The following ZSCAN22 variants were observed in gnomAD, a reference collection of about 807,000 sequenced individuals.
The protein encoded by ZSCAN22 is zinc finger and SCAN domain-containing protein 22.
In ZSCAN22, 7 loss-of-function variants were observed where a neutral mutation model predicts 12.4. That is an observed-to-expected ratio of 0.57 (90% CI 0.32 to 1.06). The LOEUF (loss-of-function observed/expected upper bound fraction) is 1.06. Among genes scored for constraint, ZSCAN22 ranks in the 50% least tolerant of loss-of-function variants. ZSCAN22 has a pLI of 0.04. For synonymous variants in ZSCAN22, 243 were observed against 255.9 expected (o/e 0.95, Z 0.48); for missense variants, 576 against 631.7 (o/e 0.91, Z 0.94).
At position 58,339,676 on chromosome 19, in the gene ZSCAN22, C is replaced by G. The variant is rs2147992509; in HGVS notation, c.*350C>G. On this transcript the variant is annotated 3_prime_UTR_variant, in exon 3 of 3. Transcript: ENST00000329665. This position sits in a 1 kb window ranked among gnomAD's most constrained non-coding sequence, Gnocchi z 5.6. The stretch of plus-strand genomic sequence containing the variant: ...GCGCATGTCTCTCAGAACTCAGCGT[C>G]CCAAGACGCTCTGGGCGGGCCAACT... The G allele has an allele frequency of 8.6e-6, 2 of 232,764 alleles. No individual in the cohort carries two copies. Among genetic ancestry groups the G allele is most frequent in the Non-Finnish European group, 1.7e-5 (2 of 118,808 alleles). The allele number at this position is 232,764 out of a possible 1,614,324, so 14.4% of individuals were successfully genotyped here. A position where few individuals can be genotyped will look rare whatever the true frequency, so the allele number is the denominator to read the frequency against.
At chr19:58,327,996 A>C (rs1274872588) in intron 1 of ZSCAN22, among the ~76,000 whole-genome samples, 1 of 152,072 alleles carries the variant, frequency 6.6e-6, no homozygotes, top group Non-Finnish European at 1.5e-5. Flanking sequence ...GATTACAGGC[A>C]CCGGCCACCA....
At chr19:58,333,796 T>G (rs1002818136) in intron 1 of ZSCAN22, among the ~76,000 whole-genome samples, 1 of 152,244 alleles carries the variant, frequency 6.6e-6, no homozygotes, top group Non-Finnish European at 1.5e-5. Flanking sequence ...TGAGCCGAGA[T>G]AGCGTCACTG....
Position 58,335,259 on chromosome 19 carries a change from G to A in ZSCAN22, c.403+54G>A, listed in dbSNP as rs1439463811. 1 of 1,472,598 alleles carries A rather than the reference G, an allele frequency of 6.8e-7. No homozygotes were observed. Among genetic ancestry groups the A allele is most frequent in the Non-Finnish European group, 9.0e-7 (1 of 1,110,850 alleles). The allele number at this position is 1,472,598 out of a possible 1,614,324, so 91.2% of individuals were successfully genotyped here. On this transcript the variant is annotated intron_variant, in intron 2 of 2. Coordinates refer to ENST00000329665, the MANE Select transcript of ZSCAN22 (RefSeq NM_181846.3). The surrounding 1 kb of genome is among the most constrained non-coding windows in gnomAD (Gnocchi z 4.1). ...GCACACCAGAGATACACCCTGGACA[G>A]GAACATGGGAGCACAGGGCTCTGGT...
In ZSCAN22 at chr19:58,341,355, C is replaced by T. The variant is rs1413411864; in HGVS notation, c.*2029C>T. The T allele has an allele frequency of 6.6e-6, 1 of 152,112 alleles. No individual in the cohort carries two copies. The highest frequency in any genetic ancestry group is 1.5e-5 in the Non-Finnish European group (1 of 68,020). 9.4% of individuals were successfully genotyped at this position (152,112 alleles called of 1,614,324 possible). On this transcript the variant is annotated 3_prime_UTR_variant, in exon 3 of 3. Transcript: ENST00000329665. ...GCATCCCTGTCCCATTTTTAGGGTC[C>T]CTGTCTATCACTGGATGCTGCAGCT... is the stretch of plus-strand genomic sequence containing the variant.
In ZSCAN22 at chr19:58,341,843, C is replaced by CT. The variant is rs1161456548; in HGVS notation, c.*2518dup. ...TCCTCCCTGTGGCTACTTTTGGGAC[C>CT]TAAGATAAGTGACTTTCCTGAACCT... On this transcript the variant is annotated 3_prime_UTR_variant, in exon 3 of 3. Transcript: ENST00000329665. 6.6e-6 allele frequency: 1 copy of CT among 152,206 alleles called. No individual in the cohort carries two copies. Among genetic ancestry groups the CT allele is most frequent in the Non-Finnish European group, 1.5e-5 (1 of 68,072 alleles). 9.4% of individuals were successfully genotyped at this position (152,206 alleles called of 1,614,324 possible). A position where few individuals can be genotyped will look rare whatever the true frequency, so the allele number is the denominator to read the frequency against.
At chr19:58,330,170 G>A (rs957605742) in intron 1 of ZSCAN22, among the ~76,000 whole-genome samples, 2 of 152,052 alleles carry the variant, frequency 1.3e-5, no homozygotes, top group Non-Finnish European at 2.9e-5. Flanking sequence ...GGTGCCTGTA[G>A]TCCCAGCTAC....
rs940096561 is a variant in ZSCAN22, at chr19:58,341,440, A to G, written c.*2114A>G. On this transcript the variant is annotated 3_prime_UTR_variant, in exon 3 of 3. Coordinates refer to ENST00000329665, the MANE Select transcript of ZSCAN22 (RefSeq NM_181846.3). ...CCTCTGTTTCTGTGATGGTCTCATC[A>G]TATGTGAACCATTTGACCTGGCGTA... is the stretch of plus-strand genomic sequence containing the variant. 1 of 152,214 alleles carries G rather than the reference A, an allele frequency of 6.6e-6. No homozygotes were observed. Among genetic ancestry groups the G allele is most frequent in the Admixed American group, 6.5e-5 (1 of 15,270 alleles). The allele number at this position is 152,214 out of a possible 1,614,324, so 9.4% of individuals were successfully genotyped here.
Position 58,329,779 on chromosome 19 carries a change from A to T in ZSCAN22, c.-52+2665A>T, listed in dbSNP as rs2051700809. Among the ~76,000 whole-genome samples the T allele has an allele frequency of 6.6e-6, 1 of 152,198 alleles. No individual in the cohort carries two copies. The highest frequency in any genetic ancestry group is 1.5e-5 in the Non-Finnish European group (1 of 68,040). On this transcript the variant is annotated intron_variant, in intron 1 of 2. Transcript: ENST00000329665. This position sits in a 1 kb window ranked among gnomAD's most constrained non-coding sequence, Gnocchi z 4.1. ...TATCAAGGGTATATAATAAGAAAAA[A>T]ATATAGAATATATAAGGTTCAGTAA...
At chr19:58,331,859 A>T (rs1455220092) in intron 1 of ZSCAN22, among the ~76,000 whole-genome samples, 2 of 150,680 alleles carry the variant, frequency 1.3e-5, no homozygotes, top group South Asian at 4.2e-4. Context: ...TTATTTTTTT[A>T]AAAGCTGTAT....
chr19:58,339,674 G>A lies in ZSCAN22; in HGVS notation c.*348G>A, dbSNP rs2051848042. On this transcript the variant is annotated 3_prime_UTR_variant, in exon 3 of 3. Coordinates refer to ENST00000329665, the MANE Select transcript of ZSCAN22 (RefSeq NM_181846.3). The surrounding 1 kb of genome is among the most constrained non-coding windows in gnomAD (Gnocchi z 5.6). ...AGGCGCATGTCTCTCAGAACTCAGC[G>A]TCCCAAGACGCTCTGGGCGGGCCAA... 1.3e-5 allele frequency: 3 copies of A among 233,086 alleles called. No homozygotes were observed. Among genetic ancestry groups the A allele is most frequent in the South Asian group, 1.1e-4 (1 of 9,026 alleles). The allele number at this position is 233,086 out of a possible 1,614,324, so 14.4% of individuals were successfully genotyped here.
chr19:58,338,140 C>G lies in ZSCAN22; in HGVS notation c.404-114C>G. 1 of 961,480 alleles carries G rather than the reference C, an allele frequency of 1.0e-6. No individual in the cohort carries two copies. Among genetic ancestry groups the G allele is most frequent in the Non-Finnish European group, 1.5e-6 (1 of 651,406 alleles). The allele number at this position is 961,480 out of a possible 1,614,324, so 59.6% of individuals were successfully genotyped here. ...AGAAACTTCCCCTTGGAACTGGGGCCAGATGTTAGGAACGGGCCACATCTC... is the reference window on the plus strand; with the variant it reads ...AGAAACTTCCCCTTGGAACTGGGGCGAGATGTTAGGAACGGGCCACATCTC... On this transcript the variant is annotated intron_variant, in intron 2 of 2. Coordinates refer to ENST00000329665, the MANE Select transcript of ZSCAN22 (RefSeq NM_181846.3). This position sits in a 1 kb window ranked among gnomAD's most constrained non-coding sequence, Gnocchi z 5.4.
At chr19:58,328,039 C>T (rs756509955) in intron 1 of ZSCAN22, among the ~76,000 whole-genome samples, 2 of 152,142 alleles carry the variant, frequency 1.3e-5, no homozygotes, top group Admixed American at 1.3e-4. Context: ...TTGGTAGAGA[C>T]GGGCTTTCAC....
Position 58,335,296 on chromosome 19 carries a change from C to A in ZSCAN22, c.403+91C>A. ...CACAGGGCTCTGGTTTGGGGTTGCT[C>A]ATGCACCCATTCTCACATTTGTACT... On this transcript the variant is annotated intron_variant, in intron 2 of 2. Coordinates refer to ENST00000329665, the MANE Select transcript of ZSCAN22 (RefSeq NM_181846.3). This position sits in a 1 kb window ranked among gnomAD's most constrained non-coding sequence, Gnocchi z 4.1. 1.4e-6 allele frequency: 2 copies of A among 1,390,702 alleles called. No homozygotes were observed. Among genetic ancestry groups the A allele is most frequent in the East Asian group, 5.0e-5 (2 of 39,852 alleles). 86.1% of individuals were successfully genotyped at this position (1,390,702 alleles called of 1,614,324 possible).
chr19:58,339,422 G>T lies in ZSCAN22; in HGVS notation c.*96G>T. On this transcript the variant is annotated 3_prime_UTR_variant, in exon 3 of 3. Coordinates refer to ENST00000329665, the MANE Select transcript of ZSCAN22 (RefSeq NM_181846.3). The surrounding 1 kb of genome is among the most constrained non-coding windows in gnomAD (Gnocchi z 5.6). ...TCCTGAAGAGCCACAGACAGGGTGG[G>T]TGATTGATGAGTTGTCAAAATGATA... is the stretch of plus-strand genomic sequence containing the variant. 1 of 1,185,274 alleles carries T rather than the reference G, an allele frequency of 8.4e-7. No individual in the cohort carries two copies. The highest frequency in any genetic ancestry group is 1.2e-6 in the Non-Finnish European group (1 of 859,482). The allele number at this position is 1,185,274 out of a possible 1,614,324, so 73.4% of individuals were successfully genotyped here.
Position 58,339,218 on chromosome 19 carries a change from G to T in ZSCAN22, c.1368G>T (p.Arg456Ser). The change falls in exon 3 of 3, where the codon AGG becomes AGT. Residue 456 changes from arginine to serine, a missense_variant. Physicochemically the swap from Arg to Ser is moderately radical, Grantham distance 110 (BLOSUM62 -1). Coordinates refer to ENST00000329665, the MANE Select transcript of ZSCAN22 (RefSeq NM_181846.3). The surrounding 1 kb of genome is among the most constrained non-coding windows in gnomAD (Gnocchi z 5.6). ...GCTCCTCCCTCATTGAGCACCAGAGGATCCACACGGGAGAGAAGCCTTATA... is the reference window on the plus strand; with the variant it reads ...GCTCCTCCCTCATTGAGCACCAGAGTATCCACACGGGAGAGAAGCCTTATA... Reference protein sequence around the residue: ...AQSSSLIEHQRIHTGEKPYKC... With the variant: ...AQSSSLIEHQSIHTGEKPYKC... 9 of 1,614,070 alleles carry T rather than the reference G, an allele frequency of 5.6e-6. No individual in the cohort carries two copies. The highest frequency in any genetic ancestry group is 7.6e-6 in the Non-Finnish European group (9 of 1,180,016).
At position 58,335,090 on chromosome 19, in the gene ZSCAN22, G is replaced by A. The variant is rs144623215; in HGVS notation, c.288G>A (p.Gln96=). ...TACTGGAGCTGCTGGTGCTGGAGCA[G>A]TTCCTGGGTGCGCTGCCCCCAGAGA... The part of the protein sequence containing the change: ...EQILELLVLE[Q]FLGALPPEIQ... The change falls in exon 2 of 3, where the codon CAG becomes CAA. Residue 96 remains glutamine (Q), a synonymous_variant. Coordinates refer to ENST00000329665, the MANE Select transcript of ZSCAN22 (RefSeq NM_181846.3). The surrounding 1 kb of genome is among the most constrained non-coding windows in gnomAD (Gnocchi z 4.1). 1 of 1,614,168 alleles carries A rather than the reference G, an allele frequency of 6.2e-7. No individual in the cohort carries two copies. The highest frequency in any genetic ancestry group is 8.5e-7 in the Non-Finnish European group (1 of 1,180,044).
In ZSCAN22 at chr19:58,337,158, T is replaced by C. The variant is rs1166291988; in HGVS notation, c.404-1096T>C. ...CTTGAGAGGCCAGATGGGTACCTCA[T>C]GTACTCACCCCCAGCAGCCATATTC... On this transcript the variant is annotated intron_variant, in intron 2 of 2. Transcript: ENST00000329665. 3.3e-5 allele frequency among the ~76,000 whole-genome samples: 5 copies of C among 152,228 alleles called. No individual in the cohort carries two copies. The East Asian group carries it at 5.8e-4, about 18-fold the overall frequency.
chr19:58,331,883 T>C (rs2051731022), intron 1 of ZSCAN22, among the ~76,000 whole-genome samples: 1 of 149,096 alleles, frequency 6.7e-6, no homozygotes, highest in South Asian at 2.1e-4. Context: ...TATTTTATTT[T>C]ATTTTTTGAG....
At position 58,335,155 on chromosome 19, in the gene ZSCAN22, A is replaced by C; in HGVS notation, c.353A>C (p.Glu118Ala). 1 of 1,613,002 alleles carries C rather than the reference A, an allele frequency of 6.2e-7. No homozygotes were observed. The highest frequency in any genetic ancestry group is 1.1e-5 in the South Asian group (1 of 90,956). Residue 118 changes from glutamate (E) to alanine (A), a missense_variant, in exon 2 of 3, where the codon GAG becomes GCG. By Grantham distance (107) the Glu-to-Ala change is moderately radical. Transcript: ENST00000329665. The surrounding 1 kb of genome is among the most constrained non-coding windows in gnomAD (Gnocchi z 4.1). ...WVGAQSPKSGEEAAVLVEDLT... is the reference protein window; with the variant it reads ...WVGAQSPKSGAEAAVLVEDLT... ...GGAGCCCAGAGTCCCAAGAGCGGAG[A>C]GGAAGCCGCTGTGCTGGTGGAGGAT...
Sources: allele counts gnomAD v4.1 joint callset (sites outside exome capture counted in the v4.1 genomes callset), GRCh38; gene constraint gnomAD v4.1.1; non-coding constraint Gnocchi (gnomAD v3.1); transcripts MANE v1.5; gene names NCBI Gene and HGNC (gene_info 2026-07-23, HGNC 2026-07-21).